ACTA2: variants seen among roughly 807,000 people sequenced by gnomAD.
ACTA2 encodes actin, aortic smooth muscle.
ACTA2 carries 12 observed loss-of-function variants against 39.5 expected under a neutral mutation model. The observed-to-expected ratio is 0.30, with a 90% CI of 0.19 to 0.49. The LOEUF (loss-of-function observed/expected upper bound fraction) is 0.49, where lower values mean the gene tolerates loss of function less well. Ranked by LOEUF, ACTA2 falls within the 20% of genes least tolerant of loss-of-function variation. The pLI, the probability that ACTA2 is intolerant of heterozygous loss-of-function variation, is 0.99. For synonymous variants in ACTA2, 158 were observed against 180.6 expected, an observed-to-expected ratio of 0.88 and a Z score of 1.00; for missense variants, 236 against 498.8, an observed-to-expected ratio of 0.47 and a Z score of 5.02.
intron 5 of ACTA2, 51 bp from the exon 6 acceptor site, chr10:88,941,441 A>C (rs1845850361): frequency 1.2e-6 from 2 of 1,611,258 alleles, no homozygotes; most frequent in African/African-American, 2.7e-5. Context: ...GCATGTGGTT[A>C]CTTGCTGGAC....
chr10:88,971,588 C>CT (rs1220534584), intron 1 of ACTA2, among the ~76,000 whole-genome samples: 4 of 152,102 alleles, frequency 2.6e-5, no homozygotes, highest in Non-Finnish European at 5.9e-5. Flanking sequence ...TTGGATTTGC[C>CT]TTTTTTTCTT....
chr10:88,940,880 G>A (rs1467590932), intron 6 of ACTA2: 1 of 345,518 alleles, frequency 2.9e-6, no homozygotes, highest in African/African-American at 2.1e-5. Context: ...AGCAGAGTTG[G>A]GACTCGAGTC....
chr10:88,966,285 T>G (rs1846316656), intron 1 of ACTA2, among the ~76,000 whole-genome samples: 1 of 152,204 alleles, frequency 6.6e-6, no homozygotes, highest in Non-Finnish European at 1.5e-5. Context: ...ATCCCAGGCT[T>G]ATGTCCTCAG....
upstream of ACTA2, among the ~76,000 whole-genome samples, chr10:88,955,784 T>C (rs539374276): frequency 1.6e-4 from 24 of 152,154 alleles, no homozygotes; most frequent in Non-Finnish European, 2.6e-4. Flanking sequence ...GCAGTGACAA[T>C]TGGCCCTCAG....
intron 3 of ACTA2, among the ~76,000 whole-genome samples, chr10:88,944,855 C>T (rs1246491025): frequency 6.6e-6 from 1 of 152,216 alleles, no homozygotes; most frequent in African/African-American, 2.4e-5. Context: ...CGAAAATTCT[C>T]CACCAGAGCC....
intron 1 of ACTA2, chr10:88,973,079 C>A: frequency 7.5e-7 from 1 of 1,331,678 alleles, no homozygotes; most frequent in Non-Finnish European, 1.0e-6. Flanking sequence ...CTTAGTCTTT[C>A]AAAAAATAAT....
At chr10:88,942,655 G>A (rs1845876792) in intron 4 of ACTA2, among the ~76,000 whole-genome samples, 2 of 152,058 alleles carry the variant, frequency 1.3e-5, no homozygotes, top group Non-Finnish European at 2.9e-5. Flanking sequence ...GATGTCCGTG[G>A]GTCTTCATTT....
At position 88,941,771 on chromosome 10, in the gene ACTA2, G is replaced by A. The variant is rs547203192; in HGVS notation, c.454+14C>T. ...TGCGCTCCAACCAGCTTGCTGTCCC[G>A]CCCAGCCACCTACCAGTTGTGCGTC... On this transcript the variant is annotated intron_variant, in intron 5 of 8. Transcript: ENST00000224784. The A allele has an allele frequency of 1.7e-5, 28 of 1,607,170 alleles. No individual in the cohort carries two copies. The highest frequency in any genetic ancestry group is 5.6e-5 in the South Asian group (5 of 89,942).
chr10:88,973,465 A>G (rs970309911), intron 1 of ACTA2: 1 of 887,636 alleles, frequency 1.1e-6, no homozygotes, highest in Non-Finnish European at 1.6e-6. Flanking sequence ...AAAACACGTC[A>G]TTTCATCTTG....
At chr10:88,946,120 A>T (rs1845942924) in intron 3 of ACTA2, among the ~76,000 whole-genome samples, 1 of 152,118 alleles carries the variant, frequency 6.6e-6, no homozygotes, top group South Asian at 2.1e-4. Flanking sequence ...CTTTAGAGAC[A>T]GAGTCTTGCT....
chr10:88,955,575 G>A (rs1846124792), upstream of ACTA2, among the ~76,000 whole-genome samples: 1 of 152,208 alleles, frequency 6.6e-6, no homozygotes, highest in Admixed American at 6.5e-5. Flanking sequence ...GCTCTGCTCT[G>A]TTCCTCATTT....
At chr10:88,975,666 A>G (rs1401806386) in intron 1 of ACTA2, among the ~76,000 whole-genome samples, 2 of 152,078 alleles carry the variant, frequency 1.3e-5, no homozygotes, top group Non-Finnish European at 2.9e-5. Flanking sequence ...ATGTTGGTCA[A>G]TGCTGCGCCT....
intron 1 of ACTA2, among the ~76,000 whole-genome samples, chr10:88,980,097 A>T (rs1046030316): frequency 6.6e-6 from 1 of 152,216 alleles, no homozygotes; most frequent in African/African-American, 2.4e-5. Context: ...TTAATTTTTA[A>T]GTTTTGTTCA....
chr10:88,986,999 CTA>C (rs1846914938), intron 1 of ACTA2, among the ~76,000 whole-genome samples: 1 of 152,196 alleles, frequency 6.6e-6, no homozygotes, highest in Non-Finnish European at 1.5e-5. Flanking sequence ...GTGACAATGT[CTA>C]TATGATTAGA....
rs999004560 is a variant in ACTA2, at chr10:88,990,663, G to A, written c.-24+276C>T. ...AGCTCGTCTCTGATCTCGCGCAAGA[G>A]TGACACACAGGTGTTCAAAGACGCT... is the stretch of plus-strand genomic sequence containing the variant. On this transcript the variant is annotated intron_variant, in intron 1 of 4. Coordinates refer to the ACTA2 transcript ENST00000415557. The surrounding 1 kb of genome is among the most constrained non-coding windows in gnomAD (Gnocchi z 4.9). 1.4e-5 allele frequency: 10 copies of A among 701,528 alleles called. No homozygotes were observed. Among genetic ancestry groups the A allele is most frequent in the Non-Finnish European group, 2.3e-5 (9 of 386,460 alleles). The allele number at this position is 701,528 out of a possible 1,614,324, so 43.5% of individuals were successfully genotyped here. A position where few individuals can be genotyped will look rare whatever the true frequency, so the allele number is the denominator to read the frequency against.
intron 4 of ACTA2, 99 bp downstream of exon 4, chr10:88,943,698 C>G (rs764085656): frequency 2.0e-6 from 2 of 979,758 alleles, no homozygotes; most frequent in Admixed American, 3.8e-5. Flanking sequence ...TGTTGGTGGA[C>G]TCCTAGCTCC....
chr10:88,980,081 C>T (rs1173240919), intron 1 of ACTA2, among the ~76,000 whole-genome samples: 1 of 152,198 alleles, frequency 6.6e-6, no homozygotes, highest in Admixed American at 6.5e-5. Flanking sequence ...AATTTTATTT[C>T]ATTTATTAAT....
chr10:88,988,236 T>C (rs1418047218), intron 1 of ACTA2, among the ~76,000 whole-genome samples: 1 of 152,116 alleles, frequency 6.6e-6, no homozygotes, highest in Non-Finnish European at 1.5e-5. Context: ...GGAAGTACTA[T>C]TACCAGAAGG....
intron 8 of ACTA2, 114 bp from the exon 9 acceptor site, chr10:88,935,480 A>AC: frequency 1.6e-6 from 2 of 1,249,120 alleles, no homozygotes; most frequent in Non-Finnish European, 2.3e-6. Context: ...TTCAGCAGGG[A>AC]CACAGGCTTG....
Sources: allele counts gnomAD v4.1 joint callset (sites outside exome capture counted in the v4.1 genomes callset), GRCh38; gene constraint gnomAD v4.1.1; non-coding constraint Gnocchi (gnomAD v3.1); transcripts MANE v1.5; gene names NCBI Gene and HGNC (gene_info 2026-07-23, HGNC 2026-07-21).